Variants in KIAA1328 observed in about 807,000 individuals in gnomAD.
KIAA1328 encodes KIAA1328, also known as protein hinderin.
Under a neutral mutation model 68.1 loss-of-function variants are expected in KIAA1328, and 52 were observed. The ratio of observed to expected loss-of-function variants is 0.76; its 90% CI spans 0.61 to 0.96. The LOEUF (loss-of-function observed/expected upper bound fraction) is 0.96, where lower values mean the gene tolerates loss of function less well. Among genes scored for constraint, KIAA1328 ranks in the 40% least tolerant of loss-of-function variants. The probability of loss-of-function intolerance (pLI) is 0.00; values close to 1 mark genes in which losing one functional copy is unlikely to be tolerated. For missense variants in KIAA1328, 641 were observed against 677.6 expected (o/e 0.95, Z 0.60); for synonymous variants, 232 against 239.4 (o/e 0.97, Z 0.28).
chr18:36,944,671 AG>A (rs2050836262), intron 5 of KIAA1328, among the ~76,000 whole-genome samples: 1 of 152,194 alleles, frequency 6.6e-6, no homozygotes, highest in African/African-American at 2.4e-5. Flanking sequence ...TGATGGGTAA[AG>A]AAAAGGATAT....
At chr18:37,196,612 A>G (rs2060007686) in intron 9 of KIAA1328, among the ~76,000 whole-genome samples, 1 of 152,136 alleles carries the variant, frequency 6.6e-6, no homozygotes, top group Non-Finnish European at 1.5e-5. Flanking sequence ...ATGTTGAACC[A>G]TCCTTGCACC....
chr18:36,926,371 ATC>A (rs575375124), intron 5 of KIAA1328, among the ~76,000 whole-genome samples: 5 of 141,512 alleles, frequency 3.5e-5, no homozygotes, highest in Admixed American at 2.3e-4. Context: ...TTCTTTCTCT[ATC>A]TCTCTCTCTC....
At chr18:37,202,613 A>G (rs976314589) in intron 9 of KIAA1328, among the ~76,000 whole-genome samples, 1 of 152,210 alleles carries the variant, frequency 6.6e-6, no homozygotes, top group African/African-American at 2.4e-5. Context: ...TAAAGACACA[A>G]TTAACAAGGA....
chr18:36,905,198 G>A lies in KIAA1328; in HGVS notation c.448+19526G>A, dbSNP rs2049175593. On this transcript the variant is annotated intron_variant, in intron 5 of 9. Coordinates refer to ENST00000280020, the MANE Select transcript of KIAA1328 (RefSeq NM_020776.3). The stretch of plus-strand genomic sequence containing the variant: ...ATGATCTTGGCTCACTGCAACCTCC[G>A]CCTCCCGGATTCAAGTGATTTTCCT... Among the ~76,000 whole-genome samples the A allele has an allele frequency of 4.0e-5, 6 of 151,680 alleles. 1 individual carries two copies. In the South Asian group the frequency reaches 8.3e-4, roughly 21 times the overall value.
At chr18:37,171,930 G>A (rs751453081) in intron 8 of KIAA1328, among the ~76,000 whole-genome samples, 1 of 152,120 alleles carries the variant, frequency 6.6e-6, no homozygotes, top group Non-Finnish European at 1.5e-5. Flanking sequence ...AACAAACAGA[G>A]TAGAGAATAG....
intron 5 of KIAA1328, among the ~76,000 whole-genome samples, chr18:36,915,098 T>TG (rs1296643739): frequency 6.6e-6 from 1 of 152,134 alleles, no homozygotes; most frequent in Non-Finnish European, 1.5e-5. Flanking sequence ...TTTTAAAAGA[T>TG]GAAAAAAGTT....
In KIAA1328 at chr18:37,097,671, GC is replaced by G. The variant is rs2057455697; in HGVS notation, c.1232+30128del. Among the ~76,000 whole-genome samples the G allele has an allele frequency of 2.0e-5, 3 of 152,148 alleles. No individual in the cohort carries two copies. The South Asian group carries it at 6.2e-4, about 32-fold the overall frequency. On this transcript the variant is annotated intron_variant, in intron 7 of 9. Coordinates refer to ENST00000280020, the MANE Select transcript of KIAA1328 (RefSeq NM_020776.3). ...TCTATAAATTACCTTGGGCAGTGTG[GC>G]CATTTTCACAATATTGATTCTTCCT...
intron 6 of KIAA1328, among the ~76,000 whole-genome samples, chr18:37,056,922 C>T (rs990996530): frequency 6.6e-6 from 1 of 152,208 alleles, no homozygotes; most frequent in Non-Finnish European, 1.5e-5. Flanking sequence ...GGATTACAGG[C>T]ATGAGCCACC....
chr18:36,959,907 T>C (rs1212659335), intron 6 of KIAA1328, among the ~76,000 whole-genome samples: 2 of 152,202 alleles, frequency 1.3e-5, no homozygotes, highest in African/African-American at 2.4e-5. Context: ...CACATAAGTA[T>C]GTAGGAGAGT....
At chr18:37,070,605 C>CT (rs1305508891) in intron 7 of KIAA1328, among the ~76,000 whole-genome samples, 1 of 148,864 alleles carries the variant, frequency 6.7e-6, no homozygotes, top group African/African-American at 2.5e-5. Flanking sequence ...GACAGAGTCT[C>CT]TGTCGCTGAG....
At chr18:36,865,749 A>T (rs1207764712) in intron 4 of KIAA1328, among the ~76,000 whole-genome samples, 1 of 151,824 alleles carries the variant, frequency 6.6e-6, no homozygotes, top group Non-Finnish European at 1.5e-5. Flanking sequence ...TTCAGGATAC[A>T]CTCTGTCTAA....
At chr18:36,833,902 A>C (rs1036196418) in intron 1 of KIAA1328, among the ~76,000 whole-genome samples, 2 of 152,220 alleles carry the variant, frequency 1.3e-5, no homozygotes, top group Admixed American at 1.3e-4. Flanking sequence ...GTCTATCTTG[A>C]AATTATTTAC....
intron 5 of KIAA1328, among the ~76,000 whole-genome samples, chr18:36,932,538 G>A (rs943651612): frequency 6.6e-6 from 1 of 152,158 alleles, no homozygotes; most frequent in African/African-American, 2.4e-5. Context: ...TTTTATTTAA[G>A]TATTTCCATA....
intron 6 of KIAA1328, among the ~76,000 whole-genome samples, chr18:37,021,987 C>T (rs1021863108): frequency 6.6e-6 from 1 of 151,944 alleles, no homozygotes; most frequent in Non-Finnish European, 1.5e-5. Context: ...TTGCAGTGAG[C>T]CGAGATCGTG....
At chr18:36,885,722 T>TA in intron 5 of KIAA1328, 50 bp downstream of exon 5, 1 of 1,249,948 alleles carries the variant, frequency 8.0e-7, no homozygotes, top group Non-Finnish European at 1.1e-6. Context: ...TTTGACTATT[T>TA]CTTTTTTTTT....
intron 6 of KIAA1328, among the ~76,000 whole-genome samples, chr18:37,048,601 C>G (rs2151653452): frequency 6.6e-6 from 1 of 152,076 alleles, no homozygotes. Context: ...AATAATGGTG[C>G]TTTACGTTTA....
At chr18:37,192,608 T>G (rs1370681289) in intron 9 of KIAA1328, among the ~76,000 whole-genome samples, 1 of 152,162 alleles carries the variant, frequency 6.6e-6, no homozygotes, top group Admixed American at 6.5e-5. Context: ...CAAGTAATAT[T>G]CTCTGACTCC....
In KIAA1328 at chr18:36,932,847, T is replaced by G. The variant is rs537608818; in HGVS notation, c.449-26461T>G. On this transcript the variant is annotated intron_variant, in intron 5 of 9. Transcript: ENST00000280020. ...GGCATCAGTACCTAATCTATTCAGC[T>G]GTTTATATATTAGTAAACAATGTTG... 7.9e-5 allele frequency among the ~76,000 whole-genome samples: 12 copies of G among 152,354 alleles called. No homozygotes were observed. In the East Asian group the frequency reaches 2.3e-3, roughly 29 times the overall value.
chr18:36,974,265 C>T (rs984593221), intron 6 of KIAA1328, among the ~76,000 whole-genome samples: 11 of 152,122 alleles, frequency 7.2e-5, no homozygotes, highest in Admixed American at 6.5e-4. Flanking sequence ...TATCCATCAC[C>T]GGAATAATGT....
Sources: gnomAD v4.1 joint callset for allele counts (sites outside exome capture counted in the v4.1 genomes callset) on GRCh38, gnomAD v4.1.1 for gene constraint, MANE v1.5 for transcripts, NCBI Gene and HGNC (gene_info 2026-07-23, HGNC 2026-07-21) for gene names.